The following SNX14 variants were observed in gnomAD, a reference collection of about 807,000 sequenced individuals.
The protein encoded by SNX14 is sorting nexin-14.
SNX14 carries 93 observed loss-of-function variants against 133.8 expected under a neutral mutation model. The ratio of observed to expected loss-of-function variants is 0.70; its 90% CI spans 0.59 to 0.83. The LOEUF (loss-of-function observed/expected upper bound fraction) is 0.83, where lower values mean the gene tolerates loss of function less well. Among genes scored for constraint, SNX14 ranks in the 40% least tolerant of loss-of-function variants. SNX14 has a pLI of 0.00. For missense variants in SNX14, 945 were observed against 1,094.9 expected (o/e 0.86, Z 1.93); for synonymous variants, 368 against 365.6 (o/e 1.01, Z -0.07).
At chr6:85,515,465 T>C (rs761234456) in intron 23 of SNX14, among the ~76,000 whole-genome samples, 8 of 151,768 alleles carry the variant, frequency 5.3e-5, no homozygotes, top group Non-Finnish European at 1.2e-4. Context: ...ATTGCACCAC[T>C]GCACTCCAGC....
At chr6:85,592,970 C>T (rs1803355444) in intron 1 of SNX14, among the ~76,000 whole-genome samples, 1 of 152,184 alleles carries the variant, frequency 6.6e-6, no homozygotes, top group African/African-American at 2.4e-5. Context: ...GCCGAGACCG[C>T]ACCACTGCAC....
At chr6:85,579,568 C>T (rs1303063828) in intron 1 of SNX14, among the ~76,000 whole-genome samples, 4 of 152,132 alleles carry the variant, frequency 2.6e-5, no homozygotes, top group African/African-American at 9.7e-5. Flanking sequence ...CCAGAAGTGG[C>T]CACATGTCAA....
chr6:85,572,403 G>T, intron 2 of SNX14, 29 bp from the exon 3 acceptor site: 1 of 1,504,506 alleles, frequency 6.6e-7, no homozygotes, highest in Non-Finnish European at 9.1e-7. Context: ...AGGTGGTGGG[G>T]AGATCCATCT....
At chr6:85,534,305 T>A (rs1254146012) in intron 17 of SNX14, among the ~76,000 whole-genome samples, 4 of 152,174 alleles carry the variant, frequency 2.6e-5, no homozygotes, top group African/African-American at 9.7e-5. Flanking sequence ...ATCCTAAATG[T>A]CCATCTTAGG....
At chr6:85,517,569 C>G (rs553639130) in intron 23 of SNX14, 187 bp downstream of exon 23, 47 of 504,856 alleles carry the variant, frequency 9.3e-5, no homozygotes, top group Non-Finnish European at 1.4e-4. Context: ...ACATTTACCA[C>G]ATTAAAGCAA....
chr6:85,578,938 C>T (rs1798160429), intron 1 of SNX14, among the ~76,000 whole-genome samples: 1 of 152,070 alleles, frequency 6.6e-6, no homozygotes, highest in Non-Finnish European at 1.5e-5. Context: ...GAGTTCGAGA[C>T]CAGCCTGGCC....
chr6:85,559,805 A>C (rs2128141705), intron 6 of SNX14, among the ~76,000 whole-genome samples: 1 of 152,354 alleles, frequency 6.6e-6, no homozygotes, highest in South Asian at 2.1e-4. Flanking sequence ...CAGTAATAAA[A>C]AAATAACCCA....
At chr6:85,541,615 C>A (rs967319070) in intron 15 of SNX14, among the ~76,000 whole-genome samples, 1 of 152,132 alleles carries the variant, frequency 6.6e-6, no homozygotes. Flanking sequence ...AAACATCCCT[C>A]CACTTTTGTA....
At chr6:85,515,009 A>T (rs1422741881) in intron 23 of SNX14, among the ~76,000 whole-genome samples, 14 of 152,190 alleles carry the variant, frequency 9.2e-5, no homozygotes, top group Non-Finnish European at 1.5e-5. Context: ...TCACGCCTGT[A>T]ATCTCAGCAC....
intron 1 of SNX14, among the ~76,000 whole-genome samples, chr6:85,579,845 T>C (rs1004505246): frequency 5.3e-5 from 8 of 152,220 alleles, no homozygotes; most frequent in African/African-American, 1.9e-4. Flanking sequence ...CCACAAGGAC[T>C]GTAACGCCTA....
chr6:85,518,151 T>G (rs1258517005), intron 21 of SNX14, 103 bp from the exon 22 acceptor site: 2 of 891,410 alleles, frequency 2.2e-6, no homozygotes, highest in East Asian at 5.0e-5. Flanking sequence ...ATAGCCAAGT[T>G]AAAACTGTAA....
In SNX14 at chr6:85,547,361, G is replaced by A; in HGVS notation, c.949C>T (p.Pro317Ser). 1 of 1,613,762 alleles carries A rather than the reference G, an allele frequency of 6.2e-7. No individual in the cohort carries two copies. Among genetic ancestry groups the A allele is most frequent in the Non-Finnish European group, 8.5e-7 (1 of 1,179,960 alleles). The change falls in exon 11 of 29, where the codon CCA becomes TCA. Residue 317 changes from proline to serine, a missense_variant. Physicochemically the swap from Pro to Ser is moderately conservative, Grantham distance 74. This residue lies in a region of SNX14 where 514 missense variants were observed against 538.8 expected (regional missense o/e 0.95). Coordinates refer to ENST00000314673, the MANE Select transcript of SNX14 (RefSeq NM_153816.6). ...KATEPASPLV[P>S]FLQKFAEPRN... ...GGTTCTGCAAATTTCTGCAAGAATG[G>A]AACCAAAGGAGAAGCCGGTTCAGTT...
At chr6:85,546,315 T>A (rs571585012) in intron 12 of SNX14, among the ~76,000 whole-genome samples, 2 of 152,242 alleles carry the variant, frequency 1.3e-5, no homozygotes, top group Admixed American at 1.3e-4. Flanking sequence ...TTTCACTATA[T>A]AAATTATACC....
intron 2 of SNX14, among the ~76,000 whole-genome samples, chr6:85,573,442 C>T (rs1280009847): frequency 3.3e-5 from 5 of 151,956 alleles, no homozygotes; most frequent in African/African-American, 9.7e-5. Context: ...ATGGCGCCAC[C>T]GCACTCCAAC....
intron 5 of SNX14, among the ~76,000 whole-genome samples, chr6:85,565,717 CAAAG>C (rs1407545369): frequency 2.6e-5 from 4 of 151,838 alleles, no homozygotes; most frequent in Non-Finnish European, 4.4e-5. Context: ...TAAGCAACAC[CAAAG>C]AAAGTTCAAA....
At chr6:85,583,671 C>G (rs1044041655) in intron 1 of SNX14, among the ~76,000 whole-genome samples, 4 of 152,050 alleles carry the variant, frequency 2.6e-5, no homozygotes, top group Non-Finnish European at 5.9e-5. Context: ...AATAAAATAC[C>G]TAGGAATACA....
At chr6:85,592,882 C>T (rs1054849737) in intron 1 of SNX14, among the ~76,000 whole-genome samples, 1 of 151,104 alleles carries the variant, frequency 6.6e-6, no homozygotes, top group Non-Finnish European at 1.5e-5. Flanking sequence ...GGCGTGGTGG[C>T]GGGCGCCTGT....
chr6:85,558,983 A>C (rs1790671411), intron 6 of SNX14, among the ~76,000 whole-genome samples: 1 of 152,086 alleles, frequency 6.6e-6, no homozygotes, highest in East Asian at 1.9e-4. Context: ...AACAAAAAGC[A>C]TATTTATTAG....
rs1349043300 is a variant in SNX14, at chr6:85,593,805, C to T, written c.-87G>A. On this transcript the variant is annotated 5_prime_UTR_variant, in exon 1 of 29. It adds an upstream start codon to the 5' untranslated region. Coordinates refer to ENST00000314673, the MANE Select transcript of SNX14 (RefSeq NM_153816.6). Reference sequence around the variant, plus strand: ...ATCCACACCTCGCGTCCCCGCCCCACCGACTTGGCGGCGCACACAGACGCC... The same window carrying T: ...ATCCACACCTCGCGTCCCCGCCCCATCGACTTGGCGGCGCACACAGACGCC... 1.3e-6 allele frequency: 2 copies of T among 1,581,816 alleles called. No homozygotes were observed. Among genetic ancestry groups the T allele is most frequent in the African/African-American group, 1.4e-5 (1 of 73,414 alleles).
Sources: allele counts gnomAD v4.1 joint callset (sites outside exome capture counted in the v4.1 genomes callset), GRCh38; gene constraint gnomAD v4.1.1; regional missense constraint gnomAD v4.1.1; transcripts MANE v1.5; gene names NCBI Gene and HGNC (gene_info 2026-07-23, HGNC 2026-07-21).